The following THSD7B variants were observed in gnomAD, a reference collection of about 807,000 sequenced individuals.
THSD7B encodes thrombospondin type 1 domain containing 7B.
A neutral mutation model predicts 213.6 loss-of-function variants in THSD7B; 138 were observed. That is an observed-to-expected ratio of 0.65 (90% CI 0.56 to 0.74). The LOEUF is 0.74. THSD7B is among the 30% of genes least tolerant of loss of function. The probability of loss-of-function intolerance (pLI) is 0.00; values close to 1 mark genes in which losing one functional copy is unlikely to be tolerated. For synonymous variants in THSD7B, 742 were observed against 687.0 expected (o/e 1.08, Z -1.25); for missense variants, 1,931 against 1,991.5 (o/e 0.97, Z 0.58).
intron 1 of THSD7B, among the ~76,000 whole-genome samples, chr2:136,770,714 G>A (rs899828048): frequency 2.0e-5 from 3 of 152,126 alleles, no homozygotes; most frequent in Non-Finnish European, 4.4e-5. Flanking sequence ...CTTGATATTT[G>A]TACTCGTGAC....
intron 4 of THSD7B, among the ~76,000 whole-genome samples, chr2:137,107,916 T>C (rs1206190383): frequency 2.6e-5 from 4 of 152,206 alleles, no homozygotes; most frequent in Non-Finnish European, 4.4e-5. Context: ...TAAAGCTTGA[T>C]CAGTTCTCTT....
In THSD7B at chr2:137,127,049, T is replaced by C. The variant is rs566010657; in HGVS notation, c.1369+11756T>C. ...AACATCAAAGATCACTGATCACTGA[T>C]GACTATAATATATATATAATAATAA... On this transcript the variant is annotated intron_variant, in intron 5 of 27. Transcript: ENST00000409968. 5.0e-4 allele frequency among the ~76,000 whole-genome samples: 76 copies of C among 151,734 alleles called. 2 individuals carry two copies. The South Asian group carries it at 0.014, about 28-fold the overall frequency.
At chr2:137,145,097 G>A (rs182689615) in intron 5 of THSD7B, among the ~76,000 whole-genome samples, 27 of 152,170 alleles carry the variant, frequency 1.8e-4, no homozygotes, top group African/African-American at 6.3e-4. Context: ...ATTGTTTTGA[G>A]ACATAAAGCC....
At chr2:136,828,219 A>G (rs1056582983) in intron 1 of THSD7B, among the ~76,000 whole-genome samples, 1 of 152,108 alleles carries the variant, frequency 6.6e-6, no homozygotes, top group Admixed American at 6.5e-5. Context: ...AGAGCATTTC[A>G]TCATCCTCTC....
At chr2:137,262,468 A>C (rs1270388393) in intron 10 of THSD7B, among the ~76,000 whole-genome samples, 1 of 152,058 alleles carries the variant, frequency 6.6e-6, no homozygotes, top group African/African-American at 2.4e-5. Flanking sequence ...AAAAAAAAAA[A>C]TAAATCCCTG....
At chr2:137,037,424 A>ATG (rs142610848) in intron 2 of THSD7B, among the ~76,000 whole-genome samples, 2 of 151,890 alleles carry the variant, frequency 1.3e-5, no homozygotes, top group Non-Finnish European at 2.9e-5. Context: ...GTATATATAT[A>ATG]TACACACACG....
chr2:137,176,626 G>A (rs1177513363), intron 7 of THSD7B, among the ~76,000 whole-genome samples: 7 of 152,228 alleles, frequency 4.6e-5, no homozygotes, highest in African/African-American at 1.7e-4. Context: ...TCCCATTTTT[G>A]TGGGTGTCAG....
At chr2:137,219,685 G>A (rs1681323645) in intron 7 of THSD7B, among the ~76,000 whole-genome samples, 1 of 152,116 alleles carries the variant, frequency 6.6e-6, no homozygotes, top group Admixed American at 6.5e-5. Context: ...GATTGCTTAT[G>A]CATTAAGTAG....
At chr2:137,626,389 C>T (rs533503116) in intron 20 of THSD7B, among the ~76,000 whole-genome samples, 6 of 149,992 alleles carry the variant, frequency 4.0e-5, no homozygotes, top group Admixed American at 1.3e-4. Flanking sequence ...GCGTGAACCC[C>T]GGAGGCGGAG....
chr2:136,883,035 T>G (rs571904192), intron 2 of THSD7B, among the ~76,000 whole-genome samples: 1 of 152,176 alleles, frequency 6.6e-6, no homozygotes, highest in Non-Finnish European at 1.5e-5. Context: ...CTGATGCTTT[T>G]CCTTGCTCTG....
chr2:136,894,280 G>A (rs939851208), intron 2 of THSD7B, among the ~76,000 whole-genome samples: 8 of 152,260 alleles, frequency 5.3e-5, no homozygotes, highest in Admixed American at 5.2e-4. Context: ...TTTAGAAACT[G>A]TTTTCAGCTT....
At chr2:136,893,140 T>C (rs1683895023) in intron 2 of THSD7B, among the ~76,000 whole-genome samples, 1 of 152,212 alleles carries the variant, frequency 6.6e-6, no homozygotes, top group Admixed American at 6.5e-5. Flanking sequence ...TGGAATATAA[T>C]AGCATGTTGA....
chr2:137,142,326 A>G (rs910165260), intron 5 of THSD7B, among the ~76,000 whole-genome samples: 1 of 152,146 alleles, frequency 6.6e-6, no homozygotes. Context: ...TAAGGAACCC[A>G]TTCACTCCTG....
intron 2 of THSD7B, among the ~76,000 whole-genome samples, chr2:137,027,108 C>T (rs186964817): frequency 2.6e-5 from 4 of 152,282 alleles, no homozygotes; most frequent in East Asian, 1.9e-4. Context: ...CCATTCACTG[C>T]GTGGTTATTA....
chr2:137,498,588 G>C (rs922761410), intron 15 of THSD7B, among the ~76,000 whole-genome samples: 1 of 151,974 alleles, frequency 6.6e-6, no homozygotes, highest in African/African-American at 2.4e-5. Flanking sequence ...TTGGATGGGG[G>C]TATTTTTTTT....
intron 4 of THSD7B, among the ~76,000 whole-genome samples, chr2:137,100,210 C>T (rs749851621): frequency 2.3e-4 from 35 of 152,128 alleles, no homozygotes; most frequent in Admixed American, 6.5e-4. Context: ...GAAATCTTGG[C>T]GTGGTTGTTC....
At chr2:137,177,953 C>T (rs1680388808) in intron 7 of THSD7B, among the ~76,000 whole-genome samples, 1 of 151,822 alleles carries the variant, frequency 6.6e-6, no homozygotes. Context: ...TGCCTGTAAT[C>T]CCAGCTATTC....
chr2:137,559,663 T>A (rs1178508874), intron 15 of THSD7B, among the ~76,000 whole-genome samples: 1 of 152,124 alleles, frequency 6.6e-6, no homozygotes, highest in Non-Finnish European at 1.5e-5. Flanking sequence ...GGCAAAGACT[T>A]CATGTCTAAA....
At chr2:137,235,174 T>C (rs1403713643) in intron 9 of THSD7B, among the ~76,000 whole-genome samples, 1 of 152,214 alleles carries the variant, frequency 6.6e-6, no homozygotes, top group African/African-American at 2.4e-5. Flanking sequence ...CTGAGAAGGA[T>C]TGAAGCCTAG....
Sources: gnomAD v4.1 joint callset for allele counts (sites outside exome capture counted in the v4.1 genomes callset) on GRCh38, gnomAD v4.1.1 for gene constraint, MANE v1.5 for transcripts, NCBI Gene and HGNC (gene_info 2026-07-23, HGNC 2026-07-21) for gene names.